MTHFD1L: variants seen among roughly 807,000 people sequenced by gnomAD.
MTHFD1L encodes the protein monofunctional C1-tetrahydrofolate synthase, mitochondrial.
MTHFD1L carries 81 observed loss-of-function variants against 119.5 expected under a neutral mutation model. The ratio of observed to expected loss-of-function variants is 0.68; its 90% CI spans 0.57 to 0.82. The LOEUF is 0.82. MTHFD1L is among the 40% of genes least tolerant of loss of function. The pLI, the probability that MTHFD1L is intolerant of heterozygous loss-of-function variation, is 0.00. For synonymous variants in MTHFD1L, 430 were observed against 475.2 expected, an observed-to-expected ratio of 0.90 and a Z score of 1.24; for missense variants, 1,125 against 1,253.4, an observed-to-expected ratio of 0.90 and a Z score of 1.55.
At chr6:151,031,054 C>A (rs1785274580) in intron 24 of MTHFD1L, among the ~76,000 whole-genome samples, 1 of 152,138 alleles carries the variant, frequency 6.6e-6, no homozygotes, top group African/African-American at 2.4e-5. Flanking sequence ...CCTTAAATTT[C>A]TTTCTCTAAC....
intron 24 of MTHFD1L, among the ~76,000 whole-genome samples, chr6:151,024,002 T>C (rs555992975): frequency 1.5e-4 from 23 of 152,126 alleles, no homozygotes; most frequent in Non-Finnish European, 2.9e-4. Flanking sequence ...CCACACGTAA[T>C]GGACCACTTA....
At chr6:151,086,738 C>T (rs1355154876) in intron 26 of MTHFD1L, among the ~76,000 whole-genome samples, 1 of 151,848 alleles carries the variant, frequency 6.6e-6, no homozygotes, top group Non-Finnish European at 1.5e-5. Flanking sequence ...CCATATTGCC[C>T]AGGCTGGTCT....
rs374371626 is a variant in MTHFD1L at position 150,918,634 on chromosome 6, A to G, written c.950A>G (p.Asp317Gly). ...TTTGGTGGACTCATTGAGGAAGATG[A>G]TGTGATTCTCCTTGCTGCAGCTCTG... ...IHFGGLIEEDDVILLAAALRI... is the reference protein window; with the variant it reads ...IHFGGLIEEDGVILLAAALRI... Residue 317 changes from aspartate to glycine, a missense_variant, in exon 9 of 28, where the codon GAT (aspartate) becomes GGT (glycine). Coordinates refer to ENST00000367321, the MANE Select transcript of MTHFD1L (RefSeq NM_015440.5). 82 of 1,614,036 alleles carry G rather than the reference A, an allele frequency of 5.1e-5. No individual in the cohort carries two copies. Among genetic ancestry groups the G allele is most frequent in the Non-Finnish European group, 6.5e-5 (77 of 1,180,018 alleles).
chr6:150,918,064 CTTTTT>C (rs397887884), intron 8 of MTHFD1L, among the ~76,000 whole-genome samples: 1 of 121,984 alleles, frequency 8.2e-6, no homozygotes, highest in Non-Finnish European at 1.7e-5. Context: ...CTTAGATGGC[CTTTTT>C]TTTTTTTTTT....
At chr6:150,920,144 G>T (rs1220034789) in intron 9 of MTHFD1L, among the ~76,000 whole-genome samples, 1 of 152,188 alleles carries the variant, frequency 6.6e-6, no homozygotes, top group Non-Finnish European at 1.5e-5. Context: ...CTGCAGTGTG[G>T]ATGACCTGGG....
Position 150,937,602 on chromosome 6 carries a change from T to C in MTHFD1L, c.1393+662T>C, listed in dbSNP as rs1792321975. The stretch of plus-strand genomic sequence containing the variant: ...ATTAATAACGTATCTCATAAAGTAC[T>C]GATAACGCACAGAGTGTCATGCATC... On this transcript the variant is annotated intron_variant, in intron 12 of 27. Coordinates refer to ENST00000367321, the MANE Select transcript of MTHFD1L (RefSeq NM_015440.5). Among the ~76,000 whole-genome samples, 6 of 152,348 alleles carry C rather than the reference T, an allele frequency of 3.9e-5. No individual in the cohort carries two copies. The South Asian group carries it at 1.2e-3, about 32-fold the overall frequency.
chr6:151,038,876 G>A (rs1171632605), intron 26 of MTHFD1L, among the ~76,000 whole-genome samples: 6 of 152,144 alleles, frequency 3.9e-5, no homozygotes, highest in Non-Finnish European at 8.8e-5. Context: ...GAAAGGACAC[G>A]GGAGAAGGCA....
intron 26 of MTHFD1L, among the ~76,000 whole-genome samples, chr6:151,037,983 A>G (rs1375584066): frequency 2.6e-5 from 4 of 152,256 alleles, no homozygotes; most frequent in African/African-American, 4.8e-5. Flanking sequence ...ATAATTTTTT[A>G]TAATAAACCA....
At chr6:151,009,176 A>G (rs1282746894) in intron 20 of MTHFD1L, among the ~76,000 whole-genome samples, 2 of 151,856 alleles carry the variant, frequency 1.3e-5, no homozygotes, top group Non-Finnish European at 2.9e-5. Context: ...TAATCATACT[A>G]TCATTGCCTT....
chr6:150,919,380 C>T (rs555690291), intron 9 of MTHFD1L, among the ~76,000 whole-genome samples: 132 of 151,988 alleles, frequency 8.7e-4, no homozygotes, highest in African/African-American at 3.1e-3. Flanking sequence ...CACACCACCA[C>T]GCCTGGCTAA....
At chr6:150,964,204 C>G (rs1796867108) in intron 18 of MTHFD1L, among the ~76,000 whole-genome samples, 1 of 152,124 alleles carries the variant, frequency 6.6e-6, no homozygotes, top group African/African-American at 2.4e-5. Context: ...AAAATAATAA[C>G]AAACTTTAGC....
chr6:150,956,800 C>A (rs527375158), intron 17 of MTHFD1L, among the ~76,000 whole-genome samples: 1 of 152,034 alleles, frequency 6.6e-6, no homozygotes. Flanking sequence ...CCAATCCTTA[C>A]GCCAAATAGA....
At chr6:150,964,024 C>T (rs1283214483) in intron 18 of MTHFD1L, among the ~76,000 whole-genome samples, 1 of 152,088 alleles carries the variant, frequency 6.6e-6, no homozygotes, top group African/African-American at 2.4e-5. Flanking sequence ...AAAAAATTAG[C>T]CGTGTGTGGT....
At chr6:151,018,596 A>G (rs1783485750) in intron 24 of MTHFD1L, among the ~76,000 whole-genome samples, 1 of 152,192 alleles carries the variant, frequency 6.6e-6, no homozygotes, top group African/African-American at 2.4e-5. Flanking sequence ...GGGAGAAAGA[A>G]TATCCAGATG....
rs1417859820 is a variant in MTHFD1L at position 151,037,054 on chromosome 6, C to T, written c.2784C>T (p.Ile928=). 1 of 1,611,896 alleles carries T rather than the reference C, an allele frequency of 6.2e-7. No individual in the cohort carries two copies. Among genetic ancestry groups the T allele is most frequent in the Non-Finnish European group, 8.5e-7 (1 of 1,179,852 alleles). The change falls in exon 26 of 28, where the codon ATC becomes ATT. Residue 928 remains isoleucine, a synonymous_variant. Coordinates refer to ENST00000367321, the MANE Select transcript of MTHFD1L (RefSeq NM_015440.5). ...AAAAAGGTGTGCCAAGGGACTTCAT[C>T]TTACCTATCAGTGACGTCCGGGCCA... The part of the protein sequence containing the change: ...PDKKGVPRDF[I]LPISDVRASI...
intron 8 of MTHFD1L, among the ~76,000 whole-genome samples, chr6:150,911,757 A>G (rs546850594): frequency 2.8e-4 from 43 of 152,294 alleles, no homozygotes; most frequent in Admixed American, 2.5e-3. Context: ...GGAGGCCTCA[A>G]AATCATGGCG....
chr6:150,865,815 C>A lies in MTHFD1L; in HGVS notation c.-8C>A, dbSNP rs1351419032. On this transcript the variant is annotated 5_prime_UTR_variant, in exon 1 of 28. Coordinates refer to ENST00000367321, the MANE Select transcript of MTHFD1L (RefSeq NM_015440.5). Reference sequence around the variant, plus strand: ...TCCGTGTCCCCTGAGAACCAGCCGTCCCGCGCCATGGGCACGCGTCTGCCG... The same window carrying A: ...TCCGTGTCCCCTGAGAACCAGCCGTACCGCGCCATGGGCACGCGTCTGCCG... 2 of 1,287,710 alleles carry A rather than the reference C, an allele frequency of 1.6e-6. No individual in the cohort carries two copies. The highest frequency in any genetic ancestry group is 2.0e-6 in the Non-Finnish European group (2 of 1,009,676). 79.8% of individuals were successfully genotyped at this position (1,287,710 alleles called of 1,614,324 possible).
chr6:150,930,000 C>T (rs1166688562), intron 11 of MTHFD1L, among the ~76,000 whole-genome samples: 2 of 152,156 alleles, frequency 1.3e-5, no homozygotes, highest in Non-Finnish European at 2.9e-5. Flanking sequence ...GCCCCTTCTC[C>T]CCAACACAAC....
chr6:150,961,117 A>G (rs942881839), intron 18 of MTHFD1L, among the ~76,000 whole-genome samples: 1 of 132,512 alleles, frequency 7.5e-6, no homozygotes, highest in African/African-American at 2.9e-5. Context: ...TTTTTCTGAG[A>G]CAGTCTGGCT....
Sources: allele counts gnomAD v4.1 joint callset (sites outside exome capture counted in the v4.1 genomes callset), GRCh38; gene constraint gnomAD v4.1.1; transcripts MANE v1.5; gene names NCBI Gene and HGNC (gene_info 2026-07-23, HGNC 2026-07-21).